The following NXF3 variants were observed in gnomAD, a reference collection of about 807,000 sequenced individuals.
NXF3 encodes the protein TAP-like protein 3.
In NXF3, 34 loss-of-function variants were observed where a neutral mutation model predicts 48.4. That is an observed-to-expected ratio of 0.70 (90% CI 0.53 to 0.93). NXF3 has a LOEUF of 0.93. Ranked by LOEUF, NXF3 falls within the 40% of genes least tolerant of loss-of-function variation. NXF3 has a pLI of 0.00. For missense variants in NXF3, 359 were observed against 406.1 expected, an observed-to-expected ratio of 0.88 and a Z score of 1.00; for synonymous variants, 132 against 145.7, an observed-to-expected ratio of 0.91 and a Z score of 0.68.
At chrX:103,088,851 C>T (rs1406974702) in intron 1 of NXF3, 12 of 1,167,114 alleles carry the variant, frequency 1.0e-5, no homozygotes, top group South Asian at 1.8e-5. Flanking sequence ...TAATCATCCA[C>T]GTAATAATGT....
At chrX:103,091,600 C>T (rs183879855) in intron 1 of NXF3, among the ~76,000 whole-genome samples, 2 of 109,958 alleles carry the variant, frequency 1.8e-5, no homozygotes, top group African/African-American at 3.3e-5. Flanking sequence ...GGAACCAATA[C>T]CCCATGGATA....
At chrX:103,086,547 A>C (rs1265560893) in intron 1 of NXF3, among the ~76,000 whole-genome samples, 1 of 111,042 alleles carries the variant, frequency 9.0e-6, no homozygotes, top group African/African-American at 3.3e-5. Context: ...TGGAAAAAGA[A>C]CTTAAAACAG....
At position 103,078,618 on chromosome X, in the gene NXF3, G is replaced by A; in HGVS notation, c.1393C>T (p.Gln465Ter). The stretch of plus-strand genomic sequence containing the variant: ...CGGGTGAAGGCGAGAACAGAACCCT[G>A]AGACTGTCCTTCCACTTCAAAGACA... ...GVFKEVEGQSQGSVLAFTRTF... is the reference protein window; with the variant it reads ...GVFKEVEGQS Residue 465 changes from glutamine to a stop codon, truncating the protein, a stop_gained, in exon 17 of 20, where the codon CAG becomes TAG. Coordinates refer to ENST00000395065, the MANE Select transcript of NXF3 (RefSeq NM_022052.2). LOFTEE classifies it high-confidence loss of function. 1 of 1,212,038 alleles carries A rather than the reference G, an allele frequency of 8.3e-7. No homozygotes were observed. The highest frequency in any genetic ancestry group is 1.1e-6 in the Non-Finnish European group (1 of 895,620).
In NXF3 at chrX:103,080,196, T is replaced by C. The variant is rs1265152921; in HGVS notation, c.948A>G (p.Arg316=). ...LLCLDGQQSP[R]ATLCGTEAHK... is the part of the protein sequence containing the mutation. ...GGGCTTCAGTACCACATAAAGTTGC[T>C]CTGGGTGACTGCTGGCCATCCTGGG... Residue 316 remains arginine (R), a synonymous_variant, in exon 11 of 20, where the codon AGA becomes AGG. Transcript: ENST00000395065. The C allele has an allele frequency of 8.3e-7, 1 of 1,211,450 alleles. No homozygotes were observed. The highest frequency in any genetic ancestry group is 3.0e-5 in the East Asian group (1 of 33,831).
At position 103,080,620 on chromosome X, in the gene NXF3, A is replaced by G; in HGVS notation, c.891-8T>C. On this transcript the variant is annotated splice_region_variant and splice_polypyrimidine_tract_variant and intron_variant, in intron 9 of 19. Coordinates refer to ENST00000395065, the MANE Select transcript of NXF3 (RefSeq NM_022052.2). ...AACAATTCCAGGATGGAGCTGCCGA[A>G]AATCAAAACAAAATGGACAACGGTA... The G allele has an allele frequency of 5.0e-6, 6 of 1,208,446 alleles. No homozygotes were observed. The highest frequency in any genetic ancestry group is 6.7e-6 in the Non-Finnish European group (6 of 892,254).
intron 18 of NXF3, 40 bp from the exon 19 acceptor site, chrX:103,076,341 A>C (rs1465057308): frequency 1.7e-6 from 2 of 1,182,706 alleles, no homozygotes; most frequent in South Asian, 3.6e-5. Flanking sequence ...ATTAGGACCC[A>C]AGTGCAGACA....
At position 103,079,353 on chromosome X, in the gene NXF3, A is replaced by C; in HGVS notation, c.1335+6T>G. On this transcript the variant is annotated splice_donor_region_variant and intron_variant, in intron 15 of 19. Coordinates refer to ENST00000395065, the MANE Select transcript of NXF3 (RefSeq NM_022052.2). ...GGCCTGCCCAAGGGAGGAAGCAGGT[A>C]CTCACCGTCTGGTACCACATGTCCA... 1 of 1,209,762 alleles carries C rather than the reference A, an allele frequency of 8.3e-7. No individual in the cohort carries two copies.
rs369226166 is a variant in NXF3, at chrX:103,082,219, T to A, written c.890+36A>T. 4 of 997,883 alleles carry A rather than the reference T, an allele frequency of 4.0e-6. No individual in the cohort carries two copies. The African/African-American group carries it at 7.6e-5, about 19-fold the overall frequency. The allele number at this position is 997,883 out of a possible 1,213,427, so 82.2% of individuals were successfully genotyped here. On this transcript the variant is annotated intron_variant, in intron 9 of 19. Coordinates refer to ENST00000395065, the MANE Select transcript of NXF3 (RefSeq NM_022052.2). ...GCAGAAGGGCGCTATCAAACACAGG[T>A]CAGGGTCCCAGGTGGTGACAGAGGG...
chrX:103,091,580 G>C (rs1408626298), intron 1 of NXF3, among the ~76,000 whole-genome samples: 1 of 109,986 alleles, frequency 9.1e-6, no homozygotes, highest in East Asian at 2.8e-4. Flanking sequence ...GGCAGGGTAG[G>C]GGGGGTCCTG....
At position 103,084,282 on chromosome X, in the gene NXF3, C is replaced by T. The variant is rs1403792531; in HGVS notation, c.351+60G>A. On this transcript the variant is annotated intron_variant, in intron 3 of 19. Coordinates refer to ENST00000395065, the MANE Select transcript of NXF3 (RefSeq NM_022052.2). ...AAAAGTATCTAGTGTCCACACAAAT[C>T]CAACACAATTCCCCCTGTTCTCCTT... is the stretch of plus-strand genomic sequence containing the variant. 4 of 1,174,112 alleles carry T rather than the reference C, an allele frequency of 3.4e-6. No homozygotes were observed. The African/African-American group carries it at 7.1e-5, about 21-fold the overall frequency.
intron 1 of NXF3, among the ~76,000 whole-genome samples, chrX:103,085,131 AT>A (rs36012532): frequency 7.1e-4 from 74 of 104,171 alleles, no homozygotes; most frequent in Admixed American, 8.3e-4. Flanking sequence ...CATCTGGCTA[AT>A]TTTTTTTTTT....
chrX:103,077,688 T>G lies in NXF3; in HGVS notation c.1510A>C (p.Ser504Arg). 8.3e-7 allele frequency: 1 copy of G among 1,210,808 alleles called. No individual in the cohort carries two copies. Among genetic ancestry groups the G allele is most frequent in the South Asian group, 1.8e-5 (1 of 56,964 alleles). ...GTGGGCACTAGGGTGAACAAGGCAC[T>G]CTGGGTCCCTTGGTGGCTGGTATCC... The part of the protein sequence containing the change: ...VRDTSHQGTQ[S>R]ALFTLVPTAF... Residue 504 changes from serine (S) to arginine (R), a missense_variant, in exon 18 of 20, where the codon AGT becomes CGT. Physicochemically the swap from Ser to Arg is moderately radical, Grantham distance 110. Transcript: ENST00000395065.
At chrX:103,088,100 A>C (rs1304400904) in intron 1 of NXF3, 10 of 918,640 alleles carry the variant, frequency 1.1e-5, no homozygotes, top group Non-Finnish European at 1.4e-5. Context: ...AATGTTTTGA[A>C]TCACAGCAGA....
intron 1 of NXF3, chrX:103,089,408 A>C (rs1031558292): frequency 1.2e-5 from 3 of 258,521 alleles, no homozygotes; most frequent in African/African-American, 8.5e-5. Context: ...TTTGTCCTGC[A>C]TAGTAAGGAG....
intron 1 of NXF3, chrX:103,088,475 A>G: frequency 3.1e-6 from 3 of 976,607 alleles, no homozygotes; most frequent in Non-Finnish European, 4.3e-6. Context: ...TATCCTTACT[A>G]CAGCAAACTT....
chrX:103,076,501 C>G (rs747926939), intron 18 of NXF3, among the ~76,000 whole-genome samples, 200 bp from the exon 19 acceptor site: 1 of 111,771 alleles, frequency 8.9e-6, no homozygotes, highest in African/African-American at 3.2e-5. Flanking sequence ...GAAAATAAAT[C>G]TTGGGGTCCC....
At chrX:103,079,104 G>C in intron 16 of NXF3, 117 bp downstream of exon 16, 11 of 782,612 alleles carry the variant, frequency 1.4e-5, no homozygotes, top group Non-Finnish European at 2.0e-5. Context: ...AAAACACGGA[G>C]GGAACAAGAG....
chrX:103,087,073 C>T (rs1033143715), intron 1 of NXF3: 10 of 342,190 alleles, frequency 2.9e-5, no homozygotes, highest in African/African-American at 2.1e-4. Context: ...CGCCTACTTT[C>T]GTGAAATCCT....
chrX:103,088,411 G>T, intron 1 of NXF3: 2 of 622,713 alleles, frequency 3.2e-6, no homozygotes. Context: ...TTGACTTTGC[G>T]ATTTTCTTGG....
Sources: gnomAD v4.1 joint callset for allele counts (sites outside exome capture counted in the v4.1 genomes callset) on GRCh38, gnomAD v4.1.1 for gene constraint, MANE v1.5 for transcripts, NCBI Gene and HGNC (gene_info 2026-07-23, HGNC 2026-07-21) for gene names.